PHF21B: variants seen among roughly 807,000 people sequenced by gnomAD.
PHF21B encodes the protein PHD finger protein 4.
In PHF21B, 22 loss-of-function variants were observed where a neutral mutation model predicts 62.2. The ratio of observed to expected loss-of-function variants is 0.35; its 90% CI spans 0.25 to 0.51. The LOEUF (loss-of-function observed/expected upper bound fraction) is 0.51, where lower values mean the gene tolerates loss of function less well. Among genes scored for constraint, PHF21B ranks in the 20% least tolerant of loss-of-function variants. PHF21B has a pLI of 0.97. For synonymous variants in PHF21B, 341 were observed against 314.7 expected (o/e 1.08, Z -0.88); for missense variants, 701 against 707.9 (o/e 0.99, Z 0.11).
intron 2 of PHF21B, among the ~76,000 whole-genome samples, chr22:45,001,458 A>G (rs2073216456): frequency 6.6e-6 from 1 of 152,140 alleles, no homozygotes; most frequent in African/African-American, 2.4e-5. Context: ...ACATCGTCCC[A>G]TCTGCCACCT....
intron 2 of PHF21B, among the ~76,000 whole-genome samples, chr22:44,989,794 G>A (rs1422333387): frequency 6.6e-6 from 1 of 151,978 alleles, no homozygotes; most frequent in African/African-American, 2.4e-5. Flanking sequence ...ATTTTTAGTA[G>A]AGACAGGGTT....
At position 44,891,908 on chromosome 22, in the gene PHF21B, C is replaced by T. The variant is rs558694331; in HGVS notation, c.961-548G>A. ...TGGTGGTTCAAAGTGGCTTTGACTG[C>T]GGCTGTTGTAATACTGCGTGGCCAG... On this transcript the variant is annotated intron_variant, in intron 7 of 12. Transcript: ENST00000313237. Among the ~76,000 whole-genome samples, 9 of 152,236 alleles carry T rather than the reference C, an allele frequency of 5.9e-5. No homozygotes were observed. In the South Asian group the frequency reaches 1.0e-3, roughly 18 times the overall value.
In PHF21B at chr22:44,907,622, G is replaced by A. The variant is rs73424365; in HGVS notation, c.831+6200C>T. On this transcript the variant is annotated intron_variant, in intron 5 of 12. Transcript: ENST00000313237. ...ACAAAAGGACAGGCCCTTCAAGGAGGTTCTGGCCTTGGTCACGGGAAGGGC... is the reference window on the plus strand; with the variant it reads ...ACAAAAGGACAGGCCCTTCAAGGAGATTCTGGCCTTGGTCACGGGAAGGGC... Among the ~76,000 whole-genome samples the A allele has an allele frequency of 1.0e-2, 1,519 of 152,340 alleles. 28 individuals are homozygous for A. The highest frequency in any genetic ancestry group is 0.034 in the African/African-American group (1,394 of 41,564).
intron 2 of PHF21B, among the ~76,000 whole-genome samples, chr22:44,996,483 T>G (rs1302534516): frequency 6.6e-6 from 1 of 151,984 alleles, no homozygotes; most frequent in East Asian, 1.9e-4. Context: ...AGCTTTCACC[T>G]AACTTTCAAT....
At position 44,998,435 on chromosome 22, in the gene PHF21B, C is replaced by G. The variant is rs149393838; in HGVS notation, c.120+10110G>C. Among the ~76,000 whole-genome samples, 947 of 152,290 alleles carry G rather than the reference C, an allele frequency of 6.2e-3. 12 individuals are homozygous for G. The highest frequency in any genetic ancestry group is 0.022 in the African/African-American group (898 of 41,574). On this transcript the variant is annotated intron_variant, in intron 2 of 12. Transcript: ENST00000313237. The stretch of plus-strand genomic sequence containing the variant: ...GCAGTGATCAGAAGACCTGGAGTCA[C>G]AGGGGCCCGATCTTGTTCCTGGGTG...
intron 2 of PHF21B, among the ~76,000 whole-genome samples, chr22:44,961,821 G>A (rs987346027): frequency 4.7e-5 from 7 of 150,440 alleles, no homozygotes; most frequent in Non-Finnish European, 8.9e-5. Context: ...ATCCAGCCTG[G>A]GTGACAGAGC....
intron 2 of PHF21B, chr22:45,003,090 G>A (rs1569286750): frequency 6.6e-6 from 1 of 152,206 alleles, no homozygotes; most frequent in Non-Finnish European, 1.5e-5. Context: ...TCACTCTTTT[G>A]TTGGGTTTCC....
intron 2 of PHF21B, among the ~76,000 whole-genome samples, chr22:44,990,603 A>G (rs1480535290): frequency 6.6e-6 from 1 of 152,246 alleles, no homozygotes; most frequent in Non-Finnish European, 1.5e-5. Flanking sequence ...GCGCGAAGTG[A>G]AAAAAGCCAG....
intron 2 of PHF21B, among the ~76,000 whole-genome samples, chr22:44,937,013 C>T (rs559906928): frequency 7.2e-5 from 11 of 151,986 alleles, no homozygotes; most frequent in South Asian, 6.2e-4. Flanking sequence ...TACAGGTGCC[C>T]GCCACCACAC....
At chr22:44,956,569 A>G (rs531645608) in intron 2 of PHF21B, among the ~76,000 whole-genome samples, 181 of 152,328 alleles carry the variant, frequency 1.2e-3, no homozygotes, top group African/African-American at 4.1e-3. Context: ...ACTGGGATTT[A>G]TCACACATTA....
chr22:44,892,136 A>C (rs918165095), intron 7 of PHF21B, among the ~76,000 whole-genome samples: 1 of 151,984 alleles, frequency 6.6e-6, no homozygotes, highest in African/African-American at 2.4e-5. Context: ...ATGAACGAAC[A>C]AATCTAAAGG....
At chr22:44,884,162 CAGCACCATCACCACCATCATT>C (rs1569204069) in intron 12 of PHF21B, among the ~76,000 whole-genome samples, 1 of 150,192 alleles carries the variant, frequency 6.7e-6, no homozygotes, top group African/African-American at 2.5e-5. Context: ...TCACTGTGAT[CAGCACCATCACCACCATCATT>C]ACCACCATCA....
chr22:45,008,875 A>G (rs1160469120), intron 1 of PHF21B: 1 of 1,152,488 alleles, frequency 8.7e-7, no homozygotes, highest in Non-Finnish European at 1.1e-6. Context: ...GAGCCGTGCA[A>G]GTTTGCAGGC....
At chr22:44,968,664 A>G (rs1157769408) in intron 2 of PHF21B, among the ~76,000 whole-genome samples, 1 of 133,778 alleles carries the variant, frequency 7.5e-6, no homozygotes, top group Non-Finnish European at 1.6e-5. Flanking sequence ...AAAAAAAAAA[A>G]TACCTGGGAC....
intron 2 of PHF21B, among the ~76,000 whole-genome samples, chr22:44,958,880 A>T (rs2147410818): frequency 6.6e-6 from 1 of 152,166 alleles, no homozygotes; most frequent in South Asian, 2.1e-4. Context: ...ACCTCTGGTG[A>T]TCTGCCCACC....
intron 2 of PHF21B, among the ~76,000 whole-genome samples, chr22:44,945,191 G>C (rs1294639698): frequency 3.3e-5 from 5 of 152,226 alleles, no homozygotes; most frequent in Non-Finnish European, 1.5e-5. Context: ...CTGAAGACCT[G>C]GCTCAGGTGT....
Position 45,009,041 on chromosome 22 carries a change from G to T in PHF21B, c.55-431C>A. ...CCCAACACACACACGCGCACGCCGA[G>T]CCCCGCTCAGGCTCCGGCCGCCACG... On this transcript the variant is annotated intron_variant, in intron 1 of 12. Transcript: ENST00000313237. This position sits in a 1 kb window ranked among gnomAD's most constrained non-coding sequence, Gnocchi z 5.9. 1 of 1,135,086 alleles carries T rather than the reference G, an allele frequency of 8.8e-7. No individual in the cohort carries two copies. The allele number at this position is 1,135,086 out of a possible 1,614,324, so 70.3% of individuals were successfully genotyped here.
intron 2 of PHF21B, among the ~76,000 whole-genome samples, chr22:44,989,877 T>C (rs1447099801): frequency 6.6e-6 from 1 of 152,194 alleles, no homozygotes; most frequent in East Asian, 1.9e-4. Flanking sequence ...CCCAAAGTAC[T>C]GGGATTACAG....
chr22:44,924,004 CAAG>C (rs1175707670), intron 2 of PHF21B, among the ~76,000 whole-genome samples: 4 of 130,234 alleles, frequency 3.1e-5, no homozygotes, highest in African/African-American at 5.9e-5. Flanking sequence ...AAGTGAGATC[CAAG>C]AAGAAGAAGA....
Sources: allele counts gnomAD v4.1 joint callset (sites outside exome capture counted in the v4.1 genomes callset), GRCh38; gene constraint gnomAD v4.1.1; non-coding constraint Gnocchi (gnomAD v3.1); transcripts MANE v1.5; gene names NCBI Gene and HGNC (gene_info 2026-07-23, HGNC 2026-07-21).